Variants in INPP4B observed in about 807,000 individuals in gnomAD.
INPP4B encodes inositol polyphosphate 4-phosphatase type II.
In INPP4B, 55 loss-of-function variants were observed where a neutral mutation model predicts 122.5. The observed-to-expected ratio is 0.45, with a 90% CI of 0.36 to 0.56. The LOEUF is 0.56. INPP4B is among the 20% of genes least tolerant of loss of function. INPP4B has a pLI of 0.00. For synonymous variants in INPP4B, 403 were observed against 388.7 expected, an observed-to-expected ratio of 1.04 and a Z score of -0.43; for missense variants, 1,000 against 1,097.7, an observed-to-expected ratio of 0.91 and a Z score of 1.26.
intron 2 of INPP4B, among the ~76,000 whole-genome samples, chr4:142,537,429 T>TATATATATATATAGAGAGAGAGAGAG (rs1200701380): frequency 3.9e-5 from 1 of 25,456 alleles, no homozygotes; most frequent in Non-Finnish European, 9.2e-5. Flanking sequence ...TATATATATA[T>TATATATATATATAGAGAGAGAGAGAG]AGAGAGAGAG....
At chr4:142,451,406 C>T (rs1263932088) in intron 3 of INPP4B, among the ~76,000 whole-genome samples, 5 of 151,692 alleles carry the variant, frequency 3.3e-5, no homozygotes, top group African/African-American at 1.2e-4. Flanking sequence ...CACACCACCA[C>T]GCCTGGCTAA....
intron 2 of INPP4B, among the ~76,000 whole-genome samples, chr4:142,464,895 C>T (rs1817470335): frequency 6.6e-6 from 1 of 152,162 alleles, no homozygotes; most frequent in African/African-American, 2.4e-5. Context: ...GCATTGTGCT[C>T]TGTTGTACAG....
chr4:142,840,227 G>A (rs1391595647), intron 1 of INPP4B, among the ~76,000 whole-genome samples: 1 of 151,974 alleles, frequency 6.6e-6, no homozygotes, highest in Non-Finnish European at 1.5e-5. Context: ...TGTCATTGAG[G>A]TAATTTGCAC....
At chr4:142,239,766 G>T (rs900489711) in intron 11 of INPP4B, among the ~76,000 whole-genome samples, 2 of 151,956 alleles carry the variant, frequency 1.3e-5, no homozygotes, top group African/African-American at 4.8e-5. Context: ...TTATTTTATG[G>T]TAAGACAAAC....
At chr4:142,547,766 CT>C (rs1196387243) in intron 2 of INPP4B, among the ~76,000 whole-genome samples, 1 of 152,118 alleles carries the variant, frequency 6.6e-6, no homozygotes, top group Non-Finnish European at 1.5e-5. Flanking sequence ...TGACTCCTCA[CT>C]TTTTATTGTA....
chr4:142,160,900 C>T (rs918211161), intron 16 of INPP4B, among the ~76,000 whole-genome samples: 1 of 151,972 alleles, frequency 6.6e-6, no homozygotes, highest in African/African-American at 2.4e-5. Flanking sequence ...CATCTACCTG[C>T]TGCAGCTTTC....
intron 2 of INPP4B, among the ~76,000 whole-genome samples, chr4:142,613,537 A>T (rs1385660888): frequency 6.6e-6 from 1 of 152,204 alleles, no homozygotes; most frequent in Non-Finnish European, 1.5e-5. Context: ...CTATGGCTAC[A>T]GATCCTTGGG....
intron 23 of INPP4B, among the ~76,000 whole-genome samples, chr4:142,102,494 C>G (rs1578904603): frequency 2.5e-5 from 3 of 118,904 alleles, no homozygotes; most frequent in African/African-American, 9.4e-5. Flanking sequence ...AGCTTTTCCT[C>G]TGAAGCAACC....
intron 18 of INPP4B, among the ~76,000 whole-genome samples, chr4:142,134,568 G>C (rs1803011812): frequency 6.6e-6 from 1 of 151,882 alleles, no homozygotes; most frequent in Non-Finnish European, 1.5e-5. Context: ...GGCCAAGGCG[G>C]GCAGATCACC....
At chr4:142,344,377 G>A (rs184409737) in intron 7 of INPP4B, among the ~76,000 whole-genome samples, 5 of 152,004 alleles carry the variant, frequency 3.3e-5, no homozygotes, top group Non-Finnish European at 5.9e-5. Flanking sequence ...CAAACTACAA[G>A]GGTTAGTACC....
intron 7 of INPP4B, among the ~76,000 whole-genome samples, chr4:142,369,010 A>G (rs1188850101): frequency 6.6e-6 from 1 of 151,888 alleles, no homozygotes. Flanking sequence ...GGAGGAGGAG[A>G]AGGAGGAAGA....
intron 2 of INPP4B, among the ~76,000 whole-genome samples, chr4:142,545,472 C>A (rs1829436803): frequency 6.6e-6 from 1 of 152,012 alleles, no homozygotes; most frequent in Non-Finnish European, 1.5e-5. Context: ...AGATGAAACT[C>A]AACCAATATC....
intron 25 of INPP4B, among the ~76,000 whole-genome samples, chr4:142,059,560 G>A (rs561893555): frequency 6.6e-6 from 1 of 152,168 alleles, no homozygotes; most frequent in Admixed American, 6.5e-5. Flanking sequence ...TAAATAATAT[G>A]CACTCAAAAA....
Position 142,362,836 on chromosome 4 carries a change from C to T in INPP4B, c.372+40102G>A, listed in dbSNP as rs191636474. ...AGCAATGGACATTGAGTTTTCCAAA[C>T]GGAAGGAAGGAGGGAGAAGGGCAAG... On this transcript the variant is annotated intron_variant, in intron 7 of 25. Transcript: ENST00000262992. Among the ~76,000 whole-genome samples, 286 of 151,952 alleles carry T rather than the reference C, an allele frequency of 1.9e-3. 4 individuals are homozygous for T. Among genetic ancestry groups the T allele is most frequent in the Admixed American group, 0.016 (241 of 15,218 alleles).
chr4:142,100,169 GAAA>G (rs1168494809), intron 23 of INPP4B, among the ~76,000 whole-genome samples: 5 of 152,056 alleles, frequency 3.3e-5, no homozygotes, highest in Non-Finnish European at 7.4e-5. Flanking sequence ...TTTATCACAG[GAAA>G]CCTCATCTTC....
chr4:142,237,507 C>T (rs111836377), intron 12 of INPP4B, among the ~76,000 whole-genome samples: 3 of 152,030 alleles, frequency 2.0e-5, no homozygotes, highest in East Asian at 1.9e-4. Context: ...CATCTGCAAG[C>T]GTGGCTAAGA....
chr4:142,706,899 T>C (rs1014813739), intron 2 of INPP4B, among the ~76,000 whole-genome samples: 1 of 152,240 alleles, frequency 6.6e-6, no homozygotes, highest in Non-Finnish European at 1.5e-5. Flanking sequence ...AAAATTTGCA[T>C]ATGAAGCTCT....
intron 17 of INPP4B, among the ~76,000 whole-genome samples, chr4:142,158,390 C>T (rs1335319824): frequency 1.3e-5 from 2 of 152,080 alleles, no homozygotes; most frequent in African/African-American, 2.4e-5. Flanking sequence ...TGAGGGCCAA[C>T]GTTGTTCACC....
chr4:142,318,471 A>G (rs1438757858), intron 7 of INPP4B, among the ~76,000 whole-genome samples: 2 of 152,186 alleles, frequency 1.3e-5, no homozygotes, highest in African/African-American at 4.8e-5. Flanking sequence ...GAGAATTTCA[A>G]GCCTTCCTTA....
Sources: allele counts gnomAD v4.1 joint callset (sites outside exome capture counted in the v4.1 genomes callset), GRCh38; gene constraint gnomAD v4.1.1; transcripts MANE v1.5; gene names NCBI Gene and HGNC (gene_info 2026-07-23, HGNC 2026-07-21).